Variants in EFCAB6 observed in about 807,000 individuals in gnomAD.
EFCAB6 encodes EF-hand calcium binding domain 6, also known as EF-hand calcium-binding domain-containing protein 6.
EFCAB6 carries 156 observed loss-of-function variants against 169.8 expected under a neutral mutation model. The ratio of observed to expected loss-of-function variants is 0.92; its 90% CI spans 0.81 to 1.05. The LOEUF is 1.05. EFCAB6 is among the 50% of genes least tolerant of loss of function. The pLI is 0.00. For synonymous variants in EFCAB6, 698 were observed against 676.4 expected, an observed-to-expected ratio of 1.03 and a Z score of -0.50; for missense variants, 1,800 against 1,829.1, an observed-to-expected ratio of 0.98 and a Z score of 0.29.
chr22:43,587,208 T>C (rs1169338355), intron 24 of EFCAB6, among the ~76,000 whole-genome samples: 1 of 152,162 alleles, frequency 6.6e-6, no homozygotes, highest in Admixed American at 6.5e-5. Flanking sequence ...CCAACCCTAA[T>C]GGAAGACCTG....
chr22:43,578,837 TCC>T (rs1229651318), intron 25 of EFCAB6, among the ~76,000 whole-genome samples: 4 of 122,996 alleles, frequency 3.3e-5, no homozygotes, highest in Admixed American at 1.5e-4. Flanking sequence ...CAGGCATCAT[TCC>T]GTACATGCAG....
chr22:43,602,893 A>G (rs1018031858), intron 22 of EFCAB6, among the ~76,000 whole-genome samples: 1 of 151,944 alleles, frequency 6.6e-6, no homozygotes, highest in African/African-American at 2.4e-5. Flanking sequence ...TGCCACCCAA[A>G]GTTTTTCCCA....
intron 29 of EFCAB6, chr22:43,536,535 A>C (rs1205239845): frequency 6.6e-6 from 1 of 152,170 alleles, no homozygotes; most frequent in African/African-American, 2.4e-5. Context: ...GTAATGTAAA[A>C]TGTTGAATAA....
intron 6 of EFCAB6, among the ~76,000 whole-genome samples, chr22:43,736,354 T>C (rs1335617700): frequency 2.6e-5 from 4 of 152,246 alleles, no homozygotes; most frequent in Admixed American, 2.0e-4. Flanking sequence ...GTACAATTTT[T>C]ATTTTTCACA....
intron 19 of EFCAB6, among the ~76,000 whole-genome samples, chr22:43,629,940 T>C (rs1336084190): frequency 6.6e-6 from 1 of 152,130 alleles, no homozygotes; most frequent in East Asian, 1.9e-4. Flanking sequence ...CAAAGTGAAG[T>C]TGCAGAGAAC....
chr22:43,533,729 G>A (rs2146997268), intron 30 of EFCAB6, among the ~76,000 whole-genome samples: 1 of 152,266 alleles, frequency 6.6e-6, no homozygotes, highest in Admixed American at 6.5e-5. Context: ...ACAACTGCCT[G>A]GCCCTCTTGA....
chr22:43,715,517 G>A (rs2059302232), intron 9 of EFCAB6, among the ~76,000 whole-genome samples: 1 of 152,140 alleles, frequency 6.6e-6, no homozygotes, highest in African/African-American at 2.4e-5. Flanking sequence ...GGAAATTCAA[G>A]GAAATTTAAA....
At chr22:43,665,258 C>A (rs972745615) in intron 17 of EFCAB6, among the ~76,000 whole-genome samples, 1 of 152,100 alleles carries the variant, frequency 6.6e-6, no homozygotes, top group Non-Finnish European at 1.5e-5. Flanking sequence ...TTATCAATGG[C>A]AGGTACAACC....
chr22:43,791,264 G>A (rs1017775395), intron 2 of EFCAB6, among the ~76,000 whole-genome samples: 2 of 151,814 alleles, frequency 1.3e-5, no homozygotes, highest in Non-Finnish European at 2.9e-5. Flanking sequence ...TCCCAGCTAC[G>A]CAGGAGGCTG....
chr22:43,711,579 C>T lies in EFCAB6; in HGVS notation c.927G>A (p.Gly309=). 1 of 1,597,244 alleles carries T rather than the reference C, an allele frequency of 6.3e-7. No homozygotes were observed. Among genetic ancestry groups the T allele is most frequent in the Non-Finnish European group, 8.5e-7 (1 of 1,175,984 alleles). The change falls in exon 10 of 32, where the codon GGG becomes GGA. Residue 309 remains glycine, a synonymous_variant. Transcript: ENST00000262726. ...ACACGTAGCCACCTTTACAGGGGTCCCCTGCACTGAGGGCCTTTTCAACCT... is the reference window on the plus strand; with the variant it reads ...ACACGTAGCCACCTTTACAGGGGTCTCCTGCACTGAGGGCCTTTTCAACCT... ...YEKVEKALSA[G]DPCKGGYVSF... is the part of the protein sequence containing the mutation.
At chr22:43,758,385 T>C (rs1335931513) in intron 5 of EFCAB6, among the ~76,000 whole-genome samples, 1 of 152,208 alleles carries the variant, frequency 6.6e-6, no homozygotes, top group Non-Finnish European at 1.5e-5. Flanking sequence ...TTCTTCCAAA[T>C]GTTGGGAATT....
At position 43,628,574 on chromosome 22, in the gene EFCAB6, C is replaced by T. The variant is rs367901827; in HGVS notation, c.2233-1895G>A. 1.3e-4 allele frequency among the ~76,000 whole-genome samples: 20 copies of T among 152,258 alleles called. No homozygotes were observed. The highest frequency in any genetic ancestry group is 1.5e-4 in the Non-Finnish European group (10 of 68,018). ...TCAGAGTCCAAGGCCAAGGCCTGGC[C>T]GTGGCCCACAAGCCTGTCTACACCC... is the stretch of plus-strand genomic sequence containing the variant. On this transcript the variant is annotated intron_variant, in intron 19 of 31. Coordinates refer to ENST00000262726, the MANE Select transcript of EFCAB6 (RefSeq NM_022785.4). The surrounding 1 kb of genome is among the most constrained non-coding windows in gnomAD (Gnocchi z 4.8).
chr22:43,630,579 G>A (rs1054608796), intron 19 of EFCAB6, among the ~76,000 whole-genome samples: 1 of 152,212 alleles, frequency 6.6e-6, no homozygotes, highest in South Asian at 2.1e-4. Context: ...GCATTGCAAT[G>A]GGCAAGGTGC....
chr22:43,740,014 C>G (rs533295799), intron 6 of EFCAB6, among the ~76,000 whole-genome samples: 4 of 151,114 alleles, frequency 2.6e-5, no homozygotes, highest in South Asian at 2.1e-4. Context: ...ACCTGCCCCC[C>G]ACCTGCTGCT....
intron 13 of EFCAB6, among the ~76,000 whole-genome samples, chr22:43,676,084 T>A (rs1460799813): frequency 6.6e-6 from 1 of 151,850 alleles, no homozygotes; most frequent in Non-Finnish European, 1.5e-5. Flanking sequence ...GCTCATCATA[T>A]AACGTGAAGC....
intron 8 of EFCAB6, among the ~76,000 whole-genome samples, chr22:43,722,455 C>G (rs2059569005): frequency 6.6e-6 from 1 of 150,642 alleles, no homozygotes; most frequent in African/African-American, 2.4e-5. Flanking sequence ...CGCTTGAACC[C>G]AAGAGGCAGA....
intron 31 of EFCAB6, among the ~76,000 whole-genome samples, chr22:43,529,837 C>A (rs928381018): frequency 6.6e-6 from 1 of 152,232 alleles, no homozygotes; most frequent in Non-Finnish European, 1.5e-5. Flanking sequence ...AATAAACTTT[C>A]ACCTTAAGCT....
intron 17 of EFCAB6, among the ~76,000 whole-genome samples, chr22:43,653,749 G>A (rs1359708452): frequency 1.3e-5 from 2 of 152,152 alleles, no homozygotes; most frequent in South Asian, 2.1e-4. Context: ...ATTAGCTTGA[G>A]AGGGAGCGAT....
intron 7 of EFCAB6, among the ~76,000 whole-genome samples, chr22:43,732,656 G>A (rs1294212076): frequency 2.0e-5 from 3 of 151,648 alleles, no homozygotes; most frequent in South Asian, 2.1e-4. Context: ...TAGTAGACAC[G>A]GGGTTTTTCC....
Sources: allele counts gnomAD v4.1 joint callset (sites outside exome capture counted in the v4.1 genomes callset), GRCh38; gene constraint gnomAD v4.1.1; non-coding constraint Gnocchi (gnomAD v3.1); transcripts MANE v1.5; gene names NCBI Gene and HGNC (gene_info 2026-07-23, HGNC 2026-07-21).